Variants in GET1 observed in about 807,000 individuals in gnomAD.
GET1 encodes guided entry of tail-anchored proteins factor 1.
In GET1, 20 loss-of-function variants were observed where a neutral mutation model predicts 22.6. The ratio of observed to expected loss-of-function variants is 0.89; its 90% CI spans 0.62 to 1.29. GET1 has a LOEUF of 1.29. GET1 is among the 50% of genes most tolerant of loss of function. The probability of loss-of-function intolerance (pLI) is 0.00; values close to 1 mark genes in which losing one functional copy is unlikely to be tolerated. For synonymous variants in GET1, 92 were observed against 83.8 expected (o/e 1.10, Z -0.53); for missense variants, 209 against 219.9 (o/e 0.95, Z 0.31).
chr21:39,426,271 G>A (rs1229090494), intron 1 of GET1, among the ~76,000 whole-genome samples: 1 of 152,044 alleles, frequency 6.6e-6, no homozygotes, highest in Non-Finnish European at 1.5e-5. Context: ...TATCCATCAC[G>A]CATACTTGAT....
chr21:39,381,930 A>G (rs2037577768), intron 1 of GET1, among the ~76,000 whole-genome samples: 1 of 152,006 alleles, frequency 6.6e-6, no homozygotes, highest in Admixed American at 6.6e-5. Context: ...GTAGAGACAG[A>G]GCTTTGCCAT....
chr21:39,405,939 C>T, exon 5 of GET1: 1 of 1,612,314 alleles, frequency 6.2e-7, no homozygotes, highest in Non-Finnish European at 8.5e-7. Context: ...TAGAATTTAC[C>T]ACAGTTACTT....
chr21:39,393,335 T>C lies in GET1; in HGVS notation c.451+55T>C. 2.1e-6 allele frequency: 3 copies of C among 1,408,254 alleles called. No individual in the cohort carries two copies. The South Asian group carries it at 3.5e-5, about 16-fold the overall frequency. The allele number at this position is 1,408,254 out of a possible 1,614,324, so 87.2% of individuals were successfully genotyped here. A position where few individuals can be genotyped will look rare whatever the true frequency, so the allele number is the denominator to read the frequency against. On this transcript the variant is annotated intron_variant, in intron 4 of 4. Coordinates refer to ENST00000649170, the MANE Select transcript of GET1 (RefSeq NM_004627.6). ...GAGTGTGAATAGGCTTATGTAGAGG[T>C]GTGTGGTAGAAGATTAAGTTAGCCT...
intron 1 of GET1, chr21:39,420,699 G>GA: frequency 6.2e-7 from 1 of 1,606,166 alleles, no homozygotes; most frequent in Middle Eastern, 1.7e-4. Flanking sequence ...TGTTTTAAAA[G>GA]AAATACCTTA....
chr21:39,390,572 G>T (rs2038232054), intron 1 of GET1, 126 bp from the exon 2 acceptor site: 1 of 1,285,806 alleles, frequency 7.8e-7, no homozygotes, highest in Non-Finnish European at 1.1e-6. Context: ...ATTCAGTCCT[G>T]CAGGGACGCA....
rs775083974 is a variant in GET1 at position 39,390,887 on chromosome 21, A to G, written c.268+24A>G. Reference sequence around the variant, plus strand: ...TGGTACTGTGTCCCTTGCAGCCTGGAGGCTTCATGAGAGCGGATGAATAGA... The same window carrying G: ...TGGTACTGTGTCCCTTGCAGCCTGGGGGCTTCATGAGAGCGGATGAATAGA... On this transcript the variant is annotated intron_variant, in intron 2 of 4. Coordinates refer to ENST00000649170, the MANE Select transcript of GET1 (RefSeq NM_004627.6). The G allele has an allele frequency of 8.7e-6, 14 of 1,612,590 alleles. No homozygotes were observed. The African/African-American group carries it at 1.9e-4, about 22-fold the overall frequency.
downstream of GET1, among the ~76,000 whole-genome samples, chr21:39,401,676 G>A (rs2038842446): frequency 6.6e-6 from 1 of 152,156 alleles, no homozygotes; most frequent in Non-Finnish European, 1.5e-5. Flanking sequence ...TTCACAAATT[G>A]AAGGTCTGTG....
At chr21:39,420,855 ATATAT>A in intron 1 of GET1, 1 of 1,601,998 alleles carries the variant, frequency 6.2e-7, no homozygotes. Context: ...TGAAAACAGT[ATATAT>A]TATAACTATT....
chr21:39,427,644 C>T (rs112256155), intron 1 of GET1: 1 of 145,524 alleles, frequency 6.9e-6, no homozygotes, highest in African/African-American at 2.6e-5. Flanking sequence ...CCTGGGTAAC[C>T]AGAGCAAGAC....
intron 4 of GET1, among the ~76,000 whole-genome samples, chr21:39,395,145 G>C (rs888568537): frequency 6.6e-6 from 1 of 152,156 alleles, no homozygotes; most frequent in African/African-American, 2.4e-5. Context: ...AAAGTGCTGG[G>C]ATTATAGGTG....
intron 1 of GET1, chr21:39,423,209 T>C: frequency 7.4e-6 from 12 of 1,612,654 alleles, no homozygotes; most frequent in Non-Finnish European, 1.0e-5. Flanking sequence ...TTCTGATGTT[T>C]AGCCATAATT....
chr21:39,394,263 G>A (rs1219993500), intron 4 of GET1, among the ~76,000 whole-genome samples: 1 of 152,170 alleles, frequency 6.6e-6, no homozygotes, highest in Non-Finnish European at 1.5e-5. Context: ...CCGAGAGGTT[G>A]CAGTGAGCTG....
At chr21:39,398,648 C>G (rs2038761180), downstream of GET1, among the ~76,000 whole-genome samples, 2 of 139,046 alleles carry the variant, frequency 1.4e-5, no homozygotes, top group South Asian at 2.4e-4. Flanking sequence ...GAGTCTTGCT[C>G]TGTCACCCAG....
intron 1 of GET1, among the ~76,000 whole-genome samples, chr21:39,412,269 C>G (rs2040217152): frequency 6.6e-6 from 1 of 152,174 alleles, no homozygotes; most frequent in Non-Finnish European, 1.5e-5. Context: ...TTTCCACCAT[C>G]TAATAGAAAG....
At chr21:39,391,510 G>C in intron 2 of GET1, 2 of 419,878 alleles carry the variant, frequency 4.8e-6, no homozygotes, top group South Asian at 4.6e-5. Context: ...AAGAATCTTT[G>C]ATTTCATGAG....
At chr21:39,426,833 C>A (rs1333659984) in intron 1 of GET1, among the ~76,000 whole-genome samples, 1 of 152,070 alleles carries the variant, frequency 6.6e-6, no homozygotes, top group African/African-American at 2.4e-5. Context: ...CATTTCCTGC[C>A]CTGGGCCTTG....
chr21:39,390,936 A>G, intron 2 of GET1, 73 bp downstream of exon 2: 4 of 1,524,408 alleles, frequency 2.6e-6, no homozygotes, highest in Non-Finnish European at 2.7e-6. Context: ...GAAGATTAGT[A>G]GAATACATAC....
At chr21:39,407,785 C>T (rs2039344016), downstream of GET1, 1 of 152,232 alleles carries the variant, frequency 6.6e-6, no homozygotes, top group Non-Finnish European at 1.5e-5. Flanking sequence ...AATGGATACA[C>T]TTTCTAGGAC....
chr21:39,403,098 C>T (rs2038879126), intron 4 of GET1, among the ~76,000 whole-genome samples: 1 of 152,182 alleles, frequency 6.6e-6, no homozygotes, highest in Admixed American at 6.5e-5. Context: ...TGTCATGTTA[C>T]TCAGCATACC....
Sources: gnomAD v4.1 joint callset for allele counts (sites outside exome capture counted in the v4.1 genomes callset) on GRCh38, gnomAD v4.1.1 for gene constraint, MANE v1.5 for transcripts, NCBI Gene and HGNC (gene_info 2026-07-23, HGNC 2026-07-21) for gene names.